LANCL3: variants seen among roughly 807,000 people sequenced by gnomAD.
LANCL3 encodes lanC-like protein 3.
A neutral mutation model predicts 26.5 loss-of-function variants in LANCL3; 19 were observed. The observed-to-expected ratio is 0.72, with a 90% CI of 0.50 to 1.05. The LOEUF (loss-of-function observed/expected upper bound fraction) is 1.05. LANCL3 is among the 50% of genes least tolerant of loss of function. The pLI is 0.00. For synonymous variants in LANCL3, 160 were observed against 166.6 expected, an observed-to-expected ratio of 0.96 and a Z score of 0.30; for missense variants, 318 against 362.7, an observed-to-expected ratio of 0.88 and a Z score of 1.00.
intron 1 of LANCL3, among the ~76,000 whole-genome samples, chrX:37,651,923 G>A (rs1389066515): frequency 9.4e-6 from 1 of 106,311 alleles, no homozygotes; most frequent in African/African-American, 3.8e-5. Context: ...GGTTTATTCT[G>A]TTTTTCTCCA....
intron 1 of LANCL3, among the ~76,000 whole-genome samples, chrX:37,617,445 A>T (rs782651655): frequency 1.1e-4 from 12 of 111,355 alleles, no homozygotes; most frequent in African/African-American, 3.9e-4. Context: ...TGAAAATCAC[A>T]TTCTCATCCA....
chrX:37,576,038 G>C (rs1556416367), intron 1 of LANCL3, among the ~76,000 whole-genome samples: 1 of 111,989 alleles, frequency 8.9e-6, no homozygotes, highest in Non-Finnish European at 1.9e-5. Flanking sequence ...CTACTAGGGA[G>C]TGTATGGCTA....
chrX:37,640,310 A>G (rs1431279960), intron 1 of LANCL3, among the ~76,000 whole-genome samples: 1 of 111,578 alleles, frequency 9.0e-6, no homozygotes, highest in Non-Finnish European at 1.9e-5. Flanking sequence ...ACTTATTTAC[A>G]TGGCGGCAGG....
At chrX:37,620,976 G>T (rs1315638649) in intron 1 of LANCL3, among the ~76,000 whole-genome samples, 2 of 111,177 alleles carry the variant, frequency 1.8e-5, no homozygotes, top group African/African-American at 6.5e-5. Context: ...GTGGCCTGAA[G>T]AGCTGGAGAA....
chrX:37,653,303 C>T (rs782537975), intron 1 of LANCL3, among the ~76,000 whole-genome samples: 8 of 111,833 alleles, frequency 7.2e-5, no homozygotes, highest in African/African-American at 9.8e-5. Context: ...TGCACACACA[C>T]ACACACACAA....
At chrX:37,659,427 A>G (rs371793972) in intron 2 of LANCL3, 35 bp from the exon 3 acceptor site, 25 of 1,075,697 alleles carry the variant, frequency 2.3e-5, no homozygotes, top group Non-Finnish European at 3.0e-5. Flanking sequence ...TGTCCTCCCA[A>G]TTGTGTGAAT....
intron 1 of LANCL3, among the ~76,000 whole-genome samples, chrX:37,654,240 C>G (rs1486410405): frequency 8.9e-6 from 1 of 112,534 alleles, no homozygotes; most frequent in African/African-American, 3.2e-5. Context: ...TTTTGGGAAA[C>G]CAAAGCTGGA....
rs143873769 is a variant in LANCL3 at position 37,605,959 on chromosome X, C to T, written c.573+33516C>T. 8.5e-3 allele frequency among the ~76,000 whole-genome samples: 941 copies of T among 111,180 alleles called. 12 individuals carry two copies. Among genetic ancestry groups the T allele is most frequent in the African/African-American group, 0.029 (891 of 30,539 alleles). On this transcript the variant is annotated intron_variant, in intron 1 of 4. Transcript: ENST00000378619. ...TCCTCTTCCTGTGTTTTGGAGATCC[C>T]CAAGACCACCCCAGGATCAGTGAGT...
chrX:37,590,873 A>C (rs1344069054), intron 1 of LANCL3, among the ~76,000 whole-genome samples: 2 of 111,670 alleles, frequency 1.8e-5, no homozygotes, highest in Non-Finnish European at 3.8e-5. Context: ...TGGGCCTCAG[A>C]ATTTTCACTT....
chrX:37,630,692 G>C, intron 1 of LANCL3, among the ~76,000 whole-genome samples: 1 of 110,437 alleles, frequency 9.1e-6, no homozygotes, highest in East Asian at 2.8e-4. Context: ...GGCCTTTTCT[G>C]CATCTATTGA....
At chrX:37,588,722 T>C (rs188938413) in intron 1 of LANCL3, among the ~76,000 whole-genome samples, 2,049 of 112,314 alleles carry the variant, frequency 0.018, 65 homozygotes, top group African/African-American at 0.063. Flanking sequence ...TGAATGACTT[T>C]GGCCTGTTAA....
chrX:37,617,601 A>G lies in LANCL3; in HGVS notation c.574-38087A>G, dbSNP rs782350278. 5.4e-5 allele frequency among the ~76,000 whole-genome samples: 6 copies of G among 111,998 alleles called. No individual in the cohort carries two copies. The East Asian group carries it at 1.1e-3, about 21-fold the overall frequency. ...ACTAGAACTAGAACATAAGACTACC[A>G]GTATACCAGGGTCTGTTCAACTTTC... On this transcript the variant is annotated intron_variant, in intron 1 of 4. Transcript: ENST00000378619.
intron 1 of LANCL3, among the ~76,000 whole-genome samples, chrX:37,617,146 T>C (rs963622878): frequency 9.2e-6 from 1 of 108,783 alleles, no homozygotes; most frequent in Admixed American, 9.8e-5. Flanking sequence ...GAGAGAGAGA[T>C]TGACTGATTT....
rs1418238675 is a variant in LANCL3, at chrX:37,679,665, T to C, written c.*3852T>C. Reference sequence around the variant, plus strand: ...CTCTCAATTGCATATTAGGCCTTCCTTTGGGGACCTGGGCTATTTATTCAG... The same window carrying C: ...CTCTCAATTGCATATTAGGCCTTCCCTTGGGGACCTGGGCTATTTATTCAG... On this transcript the variant is annotated 3_prime_UTR_variant, in exon 5 of 5. Coordinates refer to ENST00000378619, the MANE Select transcript of LANCL3 (RefSeq NM_001170331.2). The C allele has an allele frequency of 1.8e-5, 2 of 111,760 alleles. No homozygotes were observed. The highest frequency in any genetic ancestry group is 3.8e-5 in the Non-Finnish European group (2 of 53,158). 9.2% of individuals were successfully genotyped at this position (111,760 alleles called of 1,213,427 possible). A position where few individuals can be genotyped will look rare whatever the true frequency, so the allele number is the denominator to read the frequency against.
intron 4 of LANCL3, among the ~76,000 whole-genome samples, chrX:37,675,204 T>C (rs1442948057): frequency 8.9e-6 from 1 of 112,258 alleles, no homozygotes; most frequent in African/African-American, 3.2e-5. Flanking sequence ...CATTTATTTT[T>C]ACAGTCTCTG....
intron 1 of LANCL3, among the ~76,000 whole-genome samples, chrX:37,578,980 TAA>T (rs782094502): frequency 9.3e-5 from 5 of 53,703 alleles, no homozygotes; most frequent in African/African-American, 1.4e-4. Context: ...ACTCCATCTC[TAA>T]AAAAAAAAAA....
At chrX:37,662,815 CT>C (rs57561710) in intron 3 of LANCL3, among the ~76,000 whole-genome samples, 1,030 of 99,059 alleles carry the variant, frequency 0.01, 10 homozygotes, top group East Asian at 0.084. Context: ...CCCACCATTC[CT>C]TTTTTTTTTT....
intron 1 of LANCL3, among the ~76,000 whole-genome samples, chrX:37,605,409 G>A (rs1392854083): frequency 9.0e-6 from 1 of 111,707 alleles, no homozygotes; most frequent in Non-Finnish European, 1.9e-5. Flanking sequence ...CAAGTATACA[G>A]CCCACTTAAC....
chrX:37,646,688 G>T (rs1008544299), intron 1 of LANCL3, among the ~76,000 whole-genome samples: 1 of 111,668 alleles, frequency 9.0e-6, no homozygotes. Flanking sequence ...GACAGGCCAC[G>T]TGGTGGTATC....
Sources: allele counts gnomAD v4.1 joint callset (sites outside exome capture counted in the v4.1 genomes callset), GRCh38; gene constraint gnomAD v4.1.1; transcripts MANE v1.5; gene names NCBI Gene and HGNC (gene_info 2026-07-23, HGNC 2026-07-21).